KCNH7: variants seen among roughly 807,000 people sequenced by gnomAD.
The protein encoded by KCNH7 is potassium voltage-gated channel subfamily H member 7.
A neutral mutation model predicts 120.8 loss-of-function variants in KCNH7; 49 were observed. That is an observed-to-expected ratio of 0.41 (90% CI 0.32 to 0.51). The LOEUF is 0.51. Among genes scored for constraint, KCNH7 ranks in the 20% least tolerant of loss-of-function variants. The pLI, the probability that KCNH7 is intolerant of heterozygous loss-of-function variation, is 0.38. For missense variants in KCNH7, 1,097 were observed against 1,446.6 expected, an observed-to-expected ratio of 0.76 and a Z score of 3.92; for synonymous variants, 547 against 516.1, an observed-to-expected ratio of 1.06 and a Z score of -0.81.
chr2:162,773,183 T>C (rs1322341288), intron 2 of KCNH7, among the ~76,000 whole-genome samples: 2 of 152,134 alleles, frequency 1.3e-5, no homozygotes, highest in Non-Finnish European at 2.9e-5. Context: ...ACATAATCTG[T>C]CCTCCAATAT....
intron 2 of KCNH7, among the ~76,000 whole-genome samples, chr2:162,752,856 G>A (rs190752251): frequency 2.8e-4 from 41 of 145,442 alleles, no homozygotes; most frequent in Admixed American, 1.1e-3. Context: ...AGCCGAGATT[G>A]CGCCATTGCA....
chr2:162,517,585 A>G, intron 4 of KCNH7, 145 bp downstream of exon 4: 1 of 623,308 alleles, frequency 1.6e-6, no homozygotes, highest in East Asian at 2.8e-5. Flanking sequence ...AACAACTCTG[A>G]GTGTAGGACT....
At chr2:162,653,804 T>C (rs532017875) in intron 2 of KCNH7, among the ~76,000 whole-genome samples, 39 of 152,254 alleles carry the variant, frequency 2.6e-4, no homozygotes, top group Non-Finnish European at 4.3e-4. Flanking sequence ...AACAGATACA[T>C]GGACCAATGG....
chr2:162,480,355 A>G (rs1339823162), intron 6 of KCNH7, among the ~76,000 whole-genome samples: 3 of 152,152 alleles, frequency 2.0e-5, no homozygotes, highest in Non-Finnish European at 2.9e-5. Flanking sequence ...CTGAAGGTGA[A>G]AAAAGAGAAA....
chr2:162,405,654 A>C (rs942799783), intron 9 of KCNH7, among the ~76,000 whole-genome samples: 1 of 152,034 alleles, frequency 6.6e-6, no homozygotes, highest in Admixed American at 6.6e-5. Flanking sequence ...GAATGCAAAA[A>C]TGAATGTGTG....
At chr2:162,404,272 A>G (rs1687144910) in intron 9 of KCNH7, among the ~76,000 whole-genome samples, 1 of 151,944 alleles carries the variant, frequency 6.6e-6, no homozygotes, top group Admixed American at 6.6e-5. Context: ...ATTTGAAGCC[A>G]TGGTTTTATT....
rs371612244 is a variant in KCNH7, at chr2:162,552,367, A to G, written c.308-15287T>C. ...GCTTTAAATATTGAGTGACAGCTCA[A>G]TTGGATAGAGTTTTACAAAGATAAG... On this transcript the variant is annotated intron_variant, in intron 2 of 15. Coordinates refer to ENST00000332142, the MANE Select transcript of KCNH7 (RefSeq NM_033272.4). 2.6e-5 allele frequency among the ~76,000 whole-genome samples: 4 copies of G among 152,224 alleles called. No individual in the cohort carries two copies. In the East Asian group the frequency reaches 7.7e-4, roughly 29 times the overall value.
chr2:162,515,145 C>T (rs1370574106), intron 4 of KCNH7, among the ~76,000 whole-genome samples: 1 of 151,708 alleles, frequency 6.6e-6, no homozygotes, highest in East Asian at 2.0e-4. Flanking sequence ...AAAATACCCT[C>T]TGAATTTATC....
intron 6 of KCNH7, among the ~76,000 whole-genome samples, chr2:162,476,889 T>G (rs1465311089): frequency 6.6e-6 from 1 of 152,182 alleles, no homozygotes; most frequent in Non-Finnish European, 1.5e-5. Context: ...TTATTAAGTC[T>G]CATATTTGCA....
At chr2:162,771,537 A>G (rs1381506423) in intron 2 of KCNH7, among the ~76,000 whole-genome samples, 1 of 152,074 alleles carries the variant, frequency 6.6e-6, no homozygotes, top group African/African-American at 2.4e-5. Context: ...TTATTTGTAT[A>G]CATTTTTATT....
intron 2 of KCNH7, among the ~76,000 whole-genome samples, chr2:162,774,747 T>A (rs915976262): frequency 1.3e-5 from 2 of 152,312 alleles, no homozygotes; most frequent in Admixed American, 1.3e-4. Flanking sequence ...TAGTGTATAA[T>A]TCTACCCCAC....
chr2:162,748,840 C>G (rs1235236703), intron 2 of KCNH7, among the ~76,000 whole-genome samples: 1 of 89,780 alleles, frequency 1.1e-5, no homozygotes, highest in Non-Finnish European at 2.2e-5. Flanking sequence ...CCCCTCCTCT[C>G]CCCTCCCTCC....
At chr2:162,835,227 T>C (rs942330263) in intron 2 of KCNH7, among the ~76,000 whole-genome samples, 3 of 152,114 alleles carry the variant, frequency 2.0e-5, no homozygotes, top group African/African-American at 7.2e-5. Context: ...TCCAGATTAC[T>C]ACAAAGTTAT....
rs573361768 is a variant in KCNH7, at chr2:162,576,248, G to T, written c.308-39168C>A. 3.3e-5 allele frequency among the ~76,000 whole-genome samples: 5 copies of T among 151,992 alleles called. No individual in the cohort carries two copies. In the East Asian group the frequency reaches 9.7e-4, roughly 29 times the overall value. On this transcript the variant is annotated intron_variant, in intron 2 of 15. Coordinates refer to ENST00000332142, the MANE Select transcript of KCNH7 (RefSeq NM_033272.4). ...CTTTTTTTCTTTGACACTATTTGAG[G>T]CTAAAAATTAGAAAGTCGTGATTCA...
At chr2:162,672,767 T>C (rs1685403022) in intron 2 of KCNH7, among the ~76,000 whole-genome samples, 1 of 152,024 alleles carries the variant, frequency 6.6e-6, no homozygotes, top group South Asian at 2.1e-4. Context: ...TAAAATATGA[T>C]ATTTAAAAGT....
chr2:162,692,041 AT>A (rs1335778887), intron 2 of KCNH7, among the ~76,000 whole-genome samples: 1 of 152,110 alleles, frequency 6.6e-6, no homozygotes, highest in Non-Finnish European at 1.5e-5. Context: ...TTCTGCAAAT[AT>A]GATAACCTGC....
chr2:162,475,902 G>A (rs1026488244), intron 6 of KCNH7, among the ~76,000 whole-genome samples: 1 of 152,184 alleles, frequency 6.6e-6, no homozygotes, highest in Non-Finnish European at 1.5e-5. Flanking sequence ...AGAGCCAGCT[G>A]GGCATTGCTG....
intron 9 of KCNH7, among the ~76,000 whole-genome samples, chr2:162,411,388 A>T (rs1390585112): frequency 6.6e-6 from 1 of 152,128 alleles, no homozygotes; most frequent in Non-Finnish European, 1.5e-5. Context: ...GTTCTCACTT[A>T]TAAGTGGCAG....
chr2:162,808,057 A>G (rs564881028), intron 2 of KCNH7, among the ~76,000 whole-genome samples: 10 of 152,218 alleles, frequency 6.6e-5, no homozygotes, highest in African/African-American at 1.2e-4. Flanking sequence ...TGGAGCCCCT[A>G]TGGATACCAA....
Sources: gnomAD v4.1 joint callset for allele counts (sites outside exome capture counted in the v4.1 genomes callset) on GRCh38, gnomAD v4.1.1 for gene constraint, MANE v1.5 for transcripts, NCBI Gene and HGNC (gene_info 2026-07-23, HGNC 2026-07-21) for gene names.